Variants in PACS2 observed in about 807,000 individuals in gnomAD.
PACS2 encodes the protein phosphofurin acidic cluster sorting protein 2, also known as PACS1-like protein.
PACS2 carries 36 observed loss-of-function variants against 113.0 expected under a neutral mutation model. The observed-to-expected ratio is 0.32, with a 90% CI of 0.24 to 0.42. The LOEUF (loss-of-function observed/expected upper bound fraction) is 0.42, where lower values mean the gene tolerates loss of function less well. Ranked by LOEUF, PACS2 falls within the 10% of genes least tolerant of loss-of-function variation. The pLI is 1.00. For synonymous variants in PACS2, 589 were observed against 536.1 expected (o/e 1.10, Z -1.36); for missense variants, 1,015 against 1,239.5 (o/e 0.82, Z 2.72).
At position 105,392,703 on chromosome 14, in the gene PACS2, G is replaced by A; in HGVS notation, c.2340G>A (p.Glu780=). 1 of 1,612,932 alleles carries A rather than the reference G, an allele frequency of 6.2e-7. No homozygotes were observed. The highest frequency in any genetic ancestry group is 2.2e-5 in the East Asian group (1 of 44,884). Residue 780 remains glutamate, a synonymous_variant, in exon 23 of 25, where the codon GAG becomes GAA. Coordinates refer to ENST00000447393, the MANE Select transcript of PACS2 (RefSeq NM_001100913.3). ...AQPADRKRDA[E]KKDLPVTKNT... ...CTGCGGACAGGAAGAGGGACGCCGA[G>A]AAGAAGGACCTGCCTGTCACCAAAA... is the stretch of plus-strand genomic sequence containing the variant.
At chr14:105,345,797 CTCTG>C (rs1343928801) in intron 1 of PACS2, among the ~76,000 whole-genome samples, 1 of 152,184 alleles carries the variant, frequency 6.6e-6, no homozygotes, top group Non-Finnish European at 1.5e-5. Context: ...AGTCTCTCTC[CTCTG>C]TCTTTCTTCC....
upstream of PACS2, among the ~76,000 whole-genome samples, chr14:105,311,796 C>T (rs77242222): frequency 0.017 from 2,544 of 152,344 alleles, 79 homozygotes; most frequent in African/African-American, 0.059. Context: ...CCAGAAAATG[C>T]CTCCAGGAGG....
chr14:105,380,272 T>A, intron 11 of PACS2, 118 bp downstream of exon 11: 1 of 831,820 alleles, frequency 1.2e-6, no homozygotes, highest in Non-Finnish European at 1.9e-6. Context: ...ACACCTGGTG[T>A]GCAGAGGTGG....
At chr14:105,300,864 G>C (rs1200611802) in exon 1 of PACS2, 1 of 172,368 alleles carries the variant, frequency 5.8e-6, no homozygotes, top group African/African-American at 2.4e-5. Flanking sequence ...GGGGACGCGA[G>C]GACTGGAGCC....
Position 105,348,368 on chromosome 14 carries a change from G to A in PACS2, c.120-125G>A. The A allele has an allele frequency of 1.5e-6, 1 of 663,942 alleles. No homozygotes were observed. The highest frequency in any genetic ancestry group is 2.6e-6 in the Non-Finnish European group (1 of 382,982). 41.1% of individuals were successfully genotyped at this position (663,942 alleles called of 1,614,324 possible). A position where few individuals can be genotyped will look rare whatever the true frequency, so the allele number is the denominator to read the frequency against. On this transcript the variant is annotated intron_variant, in intron 1 of 24. Transcript: ENST00000447393. This position sits in a 1 kb window ranked among gnomAD's most constrained non-coding sequence, Gnocchi z 6.4. ...CCTGTGAGGTCCTGGGGCCGCCCAGGCAGTCACACCCCGCCCTGCACCCCA... is the reference window on the plus strand; with the variant it reads ...CCTGTGAGGTCCTGGGGCCGCCCAGACAGTCACACCCCGCCCTGCACCCCA...
chr14:105,381,940 G>C lies in PACS2; in HGVS notation c.1295G>C (p.Arg432Pro). 6.4e-7 allele frequency: 1 copy of C among 1,550,764 alleles called. No individual in the cohort carries two copies. Residue 432 changes from arginine (R) to proline (P), a missense_variant, in exon 13 of 25, where the codon CGG (arginine) becomes CCG (proline). Arg to Pro is a moderately radical substitution (Grantham distance 103, BLOSUM62 -2). Coordinates refer to ENST00000447393, the MANE Select transcript of PACS2 (RefSeq NM_001100913.3). ...TRSEGKQAGR[R>P]GRSTSLKERQ... ...TCCGAGGGGAAGCAGGCTGGCCGAC[G>C]GGGCCGGAGCACATCCTTGAAGGAG...
At chr14:105,333,449 C>G (rs1482798285) in intron 1 of PACS2, among the ~76,000 whole-genome samples, 1 of 152,234 alleles carries the variant, frequency 6.6e-6, no homozygotes, top group Non-Finnish European at 1.5e-5. Flanking sequence ...AAGCCAGTCC[C>G]TGGCCGTCCT....
At position 105,375,569 on chromosome 14, in the gene PACS2, G is replaced by T. The variant is rs1422649073; in HGVS notation, c.802-1199G>T. Among the ~76,000 whole-genome samples the T allele has an allele frequency of 2.6e-5, 4 of 151,726 alleles. No individual in the cohort carries two copies. The East Asian group carries it at 7.7e-4, about 29-fold the overall frequency. On this transcript the variant is annotated intron_variant, in intron 8 of 24. Coordinates refer to ENST00000447393, the MANE Select transcript of PACS2 (RefSeq NM_001100913.3). ...TAGCCAATAAGTACACGATCATCAT[G>T]ATCATTATCACTGGTCATTAGGGAA... is the stretch of plus-strand genomic sequence containing the variant.
chr14:105,379,047 C>G (rs377722136), intron 9 of PACS2, among the ~76,000 whole-genome samples: 1 of 151,968 alleles, frequency 6.6e-6, no homozygotes, highest in East Asian at 1.9e-4. Flanking sequence ...CGGGAAGGGC[C>G]TGGGTGGTCC....
chr14:105,368,677 C>A, intron 7 of PACS2, 138 bp downstream of exon 7: 2 of 677,212 alleles, frequency 3.0e-6, no homozygotes, highest in Admixed American at 4.6e-5. Flanking sequence ...GTGGCAGACC[C>A]CCTGATTGCC....
At chr14:105,377,627 G>T (rs1483720782) in intron 9 of PACS2, among the ~76,000 whole-genome samples, 1 of 152,178 alleles carries the variant, frequency 6.6e-6, no homozygotes, top group Non-Finnish European at 1.5e-5. Flanking sequence ...CACGAAGAAG[G>T]TGGCCTTGCT....
At position 105,380,152 on chromosome 14, in the gene PACS2, C is replaced by T; in HGVS notation, c.1123C>T (p.Leu375Phe). Residue 375 changes from leucine to phenylalanine, a missense_variant and splice_region_variant, in exon 11 of 25, where the codon CTC (leucine) becomes TTC (phenylalanine). Physicochemically the swap from Leu to Phe is conservative, Grantham distance 22. Coordinates refer to ENST00000447393, the MANE Select transcript of PACS2 (RefSeq NM_001100913.3). Reference sequence around the variant, plus strand: ...CGACAGTGTCTCTGACACGGTGGCCCTCGTAAGCAGGCTTGGGCCGCACCC... The same window carrying T: ...CGACAGTGTCTCTGACACGGTGGCCTTCGTAAGCAGGCTTGGGCCGCACCC... ...PSDSVSDTVA[L>F]GVPGPREHPG... 1 of 1,551,432 alleles carries T rather than the reference C, an allele frequency of 6.4e-7. No individual in the cohort carries two copies. The highest frequency in any genetic ancestry group is 8.7e-7 in the Non-Finnish European group (1 of 1,147,192).
intron 3 of PACS2, among the ~76,000 whole-genome samples, chr14:105,353,686 C>T (rs587752869): frequency 6.6e-6 from 1 of 152,076 alleles, no homozygotes; most frequent in African/African-American, 2.4e-5. Context: ...CTCCACCTCC[C>T]GAGTTCAAGC....
chr14:105,371,738 T>G (rs2061163060), intron 8 of PACS2: 2 of 152,216 alleles, frequency 1.3e-5, no homozygotes, highest in Non-Finnish European at 2.9e-5. Flanking sequence ...ACCGCCTGGA[T>G]TACAGCCATC....
At position 105,352,361 on chromosome 14, in the gene PACS2, G is replaced by A. The variant is rs1555404160; in HGVS notation, c.208-17G>A. ...TATGCAGTCCTTTGAGCTAGAACAG[G>A]TCTTGCTTAATCACAGGGCTCCAAA... On this transcript the variant is annotated splice_polypyrimidine_tract_variant and intron_variant, in intron 2 of 24. Coordinates refer to ENST00000447393, the MANE Select transcript of PACS2 (RefSeq NM_001100913.3). The A allele has an allele frequency of 3.2e-6, 5 of 1,553,382 alleles. No homozygotes were observed. The highest frequency in any genetic ancestry group is 2.2e-5 in the South Asian group (2 of 89,864).
upstream of PACS2, among the ~76,000 whole-genome samples, chr14:105,312,125 G>C (rs1161659940): frequency 6.6e-6 from 1 of 152,238 alleles, no homozygotes; most frequent in Non-Finnish European, 1.5e-5. Context: ...AGGCTGAGGA[G>C]ATGAATGCGT....
Position 105,358,230 on chromosome 14 carries a change from G to A in PACS2, c.423+3053G>A, listed in dbSNP as rs2060530683. 6.6e-6 allele frequency among the ~76,000 whole-genome samples: 1 copy of A among 152,200 alleles called. No individual in the cohort carries two copies. Among genetic ancestry groups the A allele is most frequent in the African/African-American group, 2.4e-5 (1 of 41,450 alleles). Reference sequence around the variant, plus strand: ...CCAGGGTAGGGGCCGGGCCTCATGGGTGCCAGGAGCTGGACGCCGGCGTGG... The same window carrying A: ...CCAGGGTAGGGGCCGGGCCTCATGGATGCCAGGAGCTGGACGCCGGCGTGG... On this transcript the variant is annotated intron_variant, in intron 4 of 24. Transcript: ENST00000447393. This position sits in a 1 kb window ranked among gnomAD's most constrained non-coding sequence, Gnocchi z 4.9.
chr14:105,386,703 C>T (rs2081188693), intron 19 of PACS2, among the ~76,000 whole-genome samples: 1 of 152,072 alleles, frequency 6.6e-6, no homozygotes, highest in Non-Finnish European at 1.5e-5. Flanking sequence ...GTCCCTGGGG[C>T]CCCCTTGCTG....
At position 105,392,817 on chromosome 14, in the gene PACS2, C is replaced by G; in HGVS notation, c.2454C>G (p.Thr818=). The G allele has an allele frequency of 2.5e-6, 4 of 1,606,810 alleles. No individual in the cohort carries two copies. The highest frequency in any genetic ancestry group is 1.7e-4 in the Middle Eastern group (1 of 5,994). ...EAAATPTMSM[T]VVTKEKNKKV... ...CAGCCACGCCCACCATGTCCATGAC[C>G]GTGGTCACCAAGGAGAAGAACAAGA... Residue 818 remains threonine (T), a synonymous_variant, in exon 23 of 25, where the codon ACC becomes ACG. Transcript: ENST00000447393.
Sources: gnomAD v4.1 joint callset for allele counts (sites outside exome capture counted in the v4.1 genomes callset) on GRCh38, gnomAD v4.1.1 for gene constraint, Gnocchi (gnomAD v3.1) non-coding constraint, MANE v1.5 for transcripts, NCBI Gene and HGNC (gene_info 2026-07-23, HGNC 2026-07-21) for gene names.